MAD1L1: variants seen among roughly 807,000 people sequenced by gnomAD.
MAD1L1 encodes the protein mitotic arrest deficient 1 like 1.
In MAD1L1, 95 loss-of-function variants were observed where a neutral mutation model predicts 96.9. That is an observed-to-expected ratio of 0.98 (90% CI 0.83 to 1.16). The LOEUF is 1.16. Among genes scored for constraint, MAD1L1 ranks in the 50% most tolerant of loss-of-function variants. MAD1L1 has a pLI of 0.00. For synonymous variants in MAD1L1, 473 were observed against 396.6 expected (o/e 1.19, Z -2.29); for missense variants, 1,007 against 954.4 (o/e 1.06, Z -0.73).
At chr7:2,213,096 A>G (rs963074451) in intron 10 of MAD1L1, 116 bp downstream of exon 10, 7 of 1,077,386 alleles carry the variant, frequency 6.5e-6, no homozygotes, top group Admixed American at 1.9e-5. Context: ...AATGCCCCGC[A>G]CCAGCCACAG....
chr7:1,841,273 T>C (rs1428168898), intron 18 of MAD1L1, among the ~76,000 whole-genome samples: 2 of 152,184 alleles, frequency 1.3e-5, no homozygotes, highest in East Asian at 3.8e-4. Context: ...GTCACTCACA[T>C]GGGGGGCGAG....
intron 3 of MAD1L1, among the ~76,000 whole-genome samples, chr7:2,226,728 A>G (rs1168448044): frequency 6.6e-6 from 1 of 152,108 alleles, no homozygotes; most frequent in East Asian, 1.9e-4. Flanking sequence ...GGTGGCTCAC[A>G]CCTGTAATCC....
intron 17 of MAD1L1, among the ~76,000 whole-genome samples, chr7:1,900,939 A>G (rs942014046): frequency 1.3e-5 from 2 of 152,078 alleles, no homozygotes; most frequent in African/African-American, 4.8e-5. Context: ...CCCCTCTCAG[A>G]GGCGAGACCA....
intron 18 of MAD1L1, among the ~76,000 whole-genome samples, chr7:1,821,614 C>G (rs1002363702): frequency 2.6e-5 from 4 of 152,106 alleles, no homozygotes; most frequent in Non-Finnish European, 5.9e-5. Context: ...TTTAGGTGTA[C>G]AACGACGGCT....
chr7:1,906,894 A>C (rs986237697), intron 17 of MAD1L1, among the ~76,000 whole-genome samples: 21 of 152,198 alleles, frequency 1.4e-4, no homozygotes, highest in African/African-American at 5.1e-4. Context: ...ACGTCCGTTT[A>C]TCCCCGAACA....
At chr7:1,904,426 G>A (rs1361012472) in intron 17 of MAD1L1, among the ~76,000 whole-genome samples, 3 of 141,634 alleles carry the variant, frequency 2.1e-5, no homozygotes, top group Non-Finnish European at 4.5e-5. Flanking sequence ...GGACACAGTG[G>A]CCTATGAAAG....
At chr7:2,177,408 T>C (rs1584488530) in intron 10 of MAD1L1, among the ~76,000 whole-genome samples, 1 of 152,238 alleles carries the variant, frequency 6.6e-6, no homozygotes, top group African/African-American at 2.4e-5. Context: ...TATGCTTTGG[T>C]ATATTCCGGG....
At chr7:1,969,299 T>C (rs1342538385) in intron 15 of MAD1L1, among the ~76,000 whole-genome samples, 2 of 152,140 alleles carry the variant, frequency 1.3e-5, no homozygotes, top group Non-Finnish European at 2.9e-5. Context: ...CAGGATTCAC[T>C]TGAACCCGGG....
intron 18 of MAD1L1, among the ~76,000 whole-genome samples, chr7:1,826,690 C>G (rs1782412677): frequency 6.6e-6 from 1 of 152,264 alleles, no homozygotes; most frequent in South Asian, 2.1e-4. Context: ...TGGGTCAGGA[C>G]AGCTTGGACA....
chr7:1,977,419 C>T (rs6964314), intron 15 of MAD1L1, among the ~76,000 whole-genome samples: 130,882 of 152,234 alleles, frequency 0.86, 57,602 homozygotes, highest in Non-Finnish European at 0.96. Flanking sequence ...GTGTGGGGCC[C>T]GCCAAGCCCA....
chr7:1,924,749 G>A (rs1275778792), intron 17 of MAD1L1, among the ~76,000 whole-genome samples: 1 of 152,188 alleles, frequency 6.6e-6, no homozygotes, highest in Non-Finnish European at 1.5e-5. Context: ...TTAAGAGCAA[G>A]AATTGTAATA....
chr7:1,997,791 C>T (rs1781623265), intron 14 of MAD1L1, among the ~76,000 whole-genome samples: 4 of 152,212 alleles, frequency 2.6e-5, no homozygotes, highest in Admixed American at 2.6e-4. Context: ...CTGTAGCCCC[C>T]TTGCCTGGCA....
chr7:1,903,216 T>C (rs967584610), intron 17 of MAD1L1, among the ~76,000 whole-genome samples: 1 of 150,676 alleles, frequency 6.6e-6, no homozygotes, highest in Non-Finnish European at 1.5e-5. Flanking sequence ...GAACTCATGA[T>C]TGATGAAGCA....
chr7:2,019,405 C>A (rs1457334293), intron 12 of MAD1L1, among the ~76,000 whole-genome samples: 1 of 152,210 alleles, frequency 6.6e-6, no homozygotes, highest in Admixed American at 6.5e-5. Flanking sequence ...CTCGGAGGAC[C>A]CACGCGGGTC....
At position 2,146,478 on chromosome 7, in the gene MAD1L1, C is replaced by A. The variant is rs1378549117; in HGVS notation, c.1073+2674G>T. On this transcript the variant is annotated intron_variant, in intron 11 of 18. Transcript: ENST00000265854. This position sits in a 1 kb window ranked among gnomAD's most constrained non-coding sequence, Gnocchi z 6.2. ...AGATGGCGAGAACAGCGTTCACTAC[C>A]AGGGAAAGATGGACACGGCCAACAT... Among the ~76,000 whole-genome samples the A allele has an allele frequency of 1.3e-5, 2 of 152,206 alleles. No individual in the cohort carries two copies. Among genetic ancestry groups the A allele is most frequent in the Non-Finnish European group, 2.9e-5 (2 of 68,036 alleles).
intron 10 of MAD1L1, among the ~76,000 whole-genome samples, chr7:2,183,184 G>A (rs1361594784): frequency 6.6e-6 from 1 of 151,304 alleles, no homozygotes; most frequent in Non-Finnish European, 1.5e-5. Context: ...CTGCATCCTG[G>A]CCTGGGTGAC....
intron 12 of MAD1L1, among the ~76,000 whole-genome samples, chr7:2,033,825 C>A (rs1783341600): frequency 6.6e-6 from 1 of 152,230 alleles, no homozygotes; most frequent in Non-Finnish European, 1.5e-5. Flanking sequence ...AAAAAGTAAT[C>A]AGACTGCGGT....
At chr7:1,889,092 C>G (rs1786374842) in intron 18 of MAD1L1, among the ~76,000 whole-genome samples, 1 of 152,240 alleles carries the variant, frequency 6.6e-6, no homozygotes, top group Non-Finnish European at 1.5e-5. Context: ...GCCAAGGTCA[C>G]TGTCACCACG....
At chr7:1,901,674 G>A (rs1038601598) in intron 17 of MAD1L1, among the ~76,000 whole-genome samples, 43 of 152,206 alleles carry the variant, frequency 2.8e-4, no homozygotes, top group African/African-American at 1.0e-3. Context: ...TCTCTGGGGT[G>A]GCCTCACCAA....
Sources: allele counts gnomAD v4.1 joint callset (sites outside exome capture counted in the v4.1 genomes callset), GRCh38; gene constraint gnomAD v4.1.1; non-coding constraint Gnocchi (gnomAD v3.1); transcripts MANE v1.5; gene names NCBI Gene and HGNC (gene_info 2026-07-23, HGNC 2026-07-21).